The following SLC49A4 variants were observed in gnomAD, a reference collection of about 807,000 sequenced individuals.
The protein encoded by SLC49A4 is disrupted in renal cancer protein 2.
SLC49A4 carries 36 observed loss-of-function variants against 50.6 expected under a neutral mutation model. That is an observed-to-expected ratio of 0.71 (90% CI 0.55 to 0.94). SLC49A4 has a LOEUF of 0.94. SLC49A4 is among the 40% of genes least tolerant of loss of function. The probability of loss-of-function intolerance (pLI) is 0.00; values close to 1 mark genes in which losing one functional copy is unlikely to be tolerated. For synonymous variants in SLC49A4, 248 were observed against 241.2 expected, an observed-to-expected ratio of 1.03 and a Z score of -0.26; for missense variants, 503 against 605.7, an observed-to-expected ratio of 0.83 and a Z score of 1.78.
chr3:122,877,305 T>C (rs941627920), intron 8 of SLC49A4, among the ~76,000 whole-genome samples: 2 of 152,182 alleles, frequency 1.3e-5, no homozygotes, highest in African/African-American at 4.8e-5. Flanking sequence ...CACTTGTAGT[T>C]GATTGAGACA....
chr3:122,836,269 T>A (rs2107569497), intron 4 of SLC49A4, among the ~76,000 whole-genome samples: 1 of 152,208 alleles, frequency 6.6e-6, no homozygotes, highest in East Asian at 1.9e-4. Context: ...GTTTTTGTCT[T>A]TGATTCTGTT....
intron 5 of SLC49A4, among the ~76,000 whole-genome samples, chr3:122,847,122 A>G (rs1936863472): frequency 1.3e-5 from 2 of 152,172 alleles, no homozygotes; most frequent in South Asian, 4.1e-4. Context: ...ACCATGCCCT[A>G]GGTAGAGGAA....
intron 5 of SLC49A4, among the ~76,000 whole-genome samples, chr3:122,850,358 G>C (rs1936909840): frequency 6.6e-6 from 1 of 152,144 alleles, no homozygotes; most frequent in Non-Finnish European, 1.5e-5. Context: ...CGCCAAAGTT[G>C]ATATACTAAG....
chr3:122,813,222 T>C (rs559754748), intron 2 of SLC49A4, among the ~76,000 whole-genome samples: 106 of 146,394 alleles, frequency 7.2e-4, no homozygotes, highest in Middle Eastern at 3.8e-3. Flanking sequence ...CCCTGGGCGA[T>C]AGAGCGAGAC....
At chr3:122,806,719 T>C (rs1936223896) in intron 1 of SLC49A4, 138 bp from the exon 2 acceptor site, 1 of 600,708 alleles carries the variant, frequency 1.7e-6, no homozygotes, top group Non-Finnish European at 3.0e-6. Context: ...TTTTTTTTTT[T>C]TTCCATTTTT....
At chr3:122,863,592 A>C (rs1266924190) in intron 7 of SLC49A4, among the ~76,000 whole-genome samples, 1 of 152,246 alleles carries the variant, frequency 6.6e-6, no homozygotes, top group Non-Finnish European at 1.5e-5. Context: ...GGTTTCATGA[A>C]AGGAAACTTA....
chr3:122,860,065 T>A lies in SLC49A4; in HGVS notation c.1011-10T>A, dbSNP rs778355081. Reference sequence around the variant, plus strand: ...TCCCACTAGAATTAATAGAGCATTTTTGTTTTTAGGTTTGCAGATTTTATC... The same window carrying A: ...TCCCACTAGAATTAATAGAGCATTTATGTTTTTAGGTTTGCAGATTTTATC... On this transcript the variant is annotated splice_polypyrimidine_tract_variant and intron_variant, in intron 6 of 8. Coordinates refer to ENST00000261038, the MANE Select transcript of SLC49A4 (RefSeq NM_032839.3). 6.2e-7 allele frequency: 1 copy of A among 1,601,604 alleles called. No individual in the cohort carries two copies. Among genetic ancestry groups the A allele is most frequent in the East Asian group, 2.2e-5 (1 of 44,502 alleles).
At chr3:122,869,223 A>AC (rs5852316) in intron 7 of SLC49A4, among the ~76,000 whole-genome samples, 35,162 of 150,792 alleles carry the variant, frequency 0.23, 5,035 homozygotes, top group East Asian at 0.64. Flanking sequence ...CTCTCCTGTG[A>AC]CCCCCCCCAG....
intron 8 of SLC49A4, among the ~76,000 whole-genome samples, chr3:122,875,836 C>T (rs1483171289): frequency 6.6e-6 from 1 of 152,124 alleles, no homozygotes; most frequent in Non-Finnish European, 1.5e-5. Flanking sequence ...AATATCTTGC[C>T]TAGCAAGCTA....
At chr3:122,827,505 C>G (rs542185263) in intron 3 of SLC49A4, among the ~76,000 whole-genome samples, 2 of 152,316 alleles carry the variant, frequency 1.3e-5, no homozygotes, top group African/African-American at 4.8e-5. Flanking sequence ...TTACCTTGAT[C>G]ATCTACAGTT....
At position 122,802,861 on chromosome 3, in the gene SLC49A4, GA is replaced by G. The variant is rs1936153978; in HGVS notation, c.344-3994del. ...ATAGCACTAGAAACTGTCCACAATG[GA>G]ACACAGAGAAATAAAGACTAAAACC... On this transcript the variant is annotated intron_variant, in intron 1 of 8. Coordinates refer to ENST00000261038, the MANE Select transcript of SLC49A4 (RefSeq NM_032839.3). 2.0e-5 allele frequency among the ~76,000 whole-genome samples: 3 copies of G among 152,182 alleles called. No homozygotes were observed. In the South Asian group the frequency reaches 6.2e-4, roughly 32 times the overall value.
At chr3:122,798,055 A>G (rs1936072915) in intron 1 of SLC49A4, among the ~76,000 whole-genome samples, 1 of 152,216 alleles carries the variant, frequency 6.6e-6, no homozygotes, top group Non-Finnish European at 1.5e-5. Flanking sequence ...TTTTAAAAAG[A>G]AAAAAGATTG....
intron 8 of SLC49A4, among the ~76,000 whole-genome samples, chr3:122,875,422 C>T (rs1391687018): frequency 6.6e-6 from 1 of 152,126 alleles, no homozygotes; most frequent in East Asian, 1.9e-4. Context: ...ACCATTATGG[C>T]TCACTGCAAC....
At chr3:122,875,035 A>G (rs905692039) in intron 8 of SLC49A4, among the ~76,000 whole-genome samples, 1 of 152,208 alleles carries the variant, frequency 6.6e-6, no homozygotes, top group African/African-American at 2.4e-5. Context: ...GAACCATGAA[A>G]TCTATGTTGA....
At chr3:122,843,492 A>C (rs943235620) in intron 4 of SLC49A4, among the ~76,000 whole-genome samples, 1 of 152,232 alleles carries the variant, frequency 6.6e-6, no homozygotes, top group Non-Finnish European at 1.5e-5. Context: ...AAAACTTTTA[A>C]ATAATAATTT....
chr3:122,795,443 G>A lies in SLC49A4; in HGVS notation c.251G>A (p.Gly84Asp), dbSNP rs1936008807. 6.2e-7 allele frequency: 1 copy of A among 1,607,564 alleles called. No homozygotes were observed. The highest frequency in any genetic ancestry group is 1.3e-5 in the African/African-American group (1 of 74,926). ...CAGAACTCGGCGCGCCAGGCCTACG[G>A]CTTCTCCAGCTGGGACATCGCGCTG... ...PIQNSARQAY[G>D]FSSWDIALLV... is the part of the protein sequence containing the mutation. The change falls in exon 1 of 9, where the codon GGC becomes GAC. Residue 84 changes from glycine (G) to aspartate (D), a missense_variant. Gly to Asp is a moderately conservative substitution (Grantham distance 94). Coordinates refer to ENST00000261038, the MANE Select transcript of SLC49A4 (RefSeq NM_032839.3).
intron 5 of SLC49A4, among the ~76,000 whole-genome samples, chr3:122,855,295 G>A (rs1340613652): frequency 2.6e-5 from 4 of 152,122 alleles, no homozygotes; most frequent in Non-Finnish European, 5.9e-5. Flanking sequence ...AATAGATTGC[G>A]AAGACCATTT....
rs373184275 is a variant in SLC49A4, at chr3:122,797,192, A to G, written c.343+1657A>G. The stretch of plus-strand genomic sequence containing the variant: ...GAAAGGACAGTTTAGGCATAGAAAC[A>G]TAGTGTCCAAAACAAGAAGCAAAAT... On this transcript the variant is annotated intron_variant, in intron 1 of 8. Coordinates refer to ENST00000261038, the MANE Select transcript of SLC49A4 (RefSeq NM_032839.3). Among the ~76,000 whole-genome samples the G allele has an allele frequency of 3.9e-5, 5 of 127,772 alleles. No homozygotes were observed. In the South Asian group the frequency reaches 8.4e-4, roughly 22 times the overall value. 83.8% of individuals were successfully genotyped at this position (127,772 alleles called of 152,430 possible).
intron 4 of SLC49A4, among the ~76,000 whole-genome samples, chr3:122,844,517 C>CA (rs1447967691): frequency 6.6e-6 from 1 of 152,134 alleles, no homozygotes; most frequent in Admixed American, 6.5e-5. Flanking sequence ...TGCAATGTCT[C>CA]ACGCCTGTAA....
Sources: gnomAD v4.1 joint callset for allele counts (sites outside exome capture counted in the v4.1 genomes callset) on GRCh38, gnomAD v4.1.1 for gene constraint, MANE v1.5 for transcripts, NCBI Gene and HGNC (gene_info 2026-07-23, HGNC 2026-07-21) for gene names.